The following IMMP1L variants were observed in gnomAD, a reference collection of about 807,000 sequenced individuals.
The protein encoded by IMMP1L is mitochondrial inner membrane protease subunit 1.
Under a neutral mutation model 21.8 loss-of-function variants are expected in IMMP1L, and 24 were observed. The ratio of observed to expected loss-of-function variants is 1.10; its 90% CI spans 0.80 to 1.55. The LOEUF (loss-of-function observed/expected upper bound fraction) is 1.55. Ranked by LOEUF, IMMP1L falls within the 40% of genes most tolerant of loss-of-function variation. The pLI, the probability that IMMP1L is intolerant of heterozygous loss-of-function variation, is 0.00. For missense variants in IMMP1L, 195 were observed against 200.7 expected, an observed-to-expected ratio of 0.97 and a Z score of 0.17; for synonymous variants, 46 against 62.8, an observed-to-expected ratio of 0.73 and a Z score of 1.26.
At chr11:31,470,740 G>A (rs1413944454) in intron 1 of IMMP1L, among the ~76,000 whole-genome samples, 1 of 152,112 alleles carries the variant, frequency 6.6e-6, no homozygotes, top group Non-Finnish European at 1.5e-5. Flanking sequence ...TCCAACAGAT[G>A]AATGAATAAA....
intron 1 of IMMP1L, among the ~76,000 whole-genome samples, chr11:31,468,606 T>A (rs1343828772): frequency 6.6e-6 from 1 of 152,186 alleles, no homozygotes; most frequent in Non-Finnish European, 1.5e-5. Context: ...ACTGAGCTAC[T>A]ACTACGTACC....
chr11:31,443,453 C>T (rs1344885916), intron 4 of IMMP1L, among the ~76,000 whole-genome samples: 4 of 152,184 alleles, frequency 2.6e-5, no homozygotes, highest in Non-Finnish European at 5.9e-5. Context: ...TCTGAAATGT[C>T]AGTTCTGGGT....
chr11:31,488,966 G>A lies in IMMP1L; in HGVS notation c.-30+20553C>T, dbSNP rs998696297. On this transcript the variant is annotated intron_variant, in intron 1 of 5. Coordinates refer to ENST00000532287, the MANE Select transcript of IMMP1L (RefSeq NM_001304274.2). ...GGCTGGAGTGCAGTGGTGCAATCTC[G>A]GCTCACTGCAAGCTCCACCTCCCGG... Among the ~76,000 whole-genome samples the A allele has an allele frequency of 2.0e-5, 3 of 151,804 alleles. 1 individual carries two copies. Among genetic ancestry groups the A allele is most frequent in the Non-Finnish European group, 4.4e-5 (3 of 67,916 alleles).
intron 1 of IMMP1L, among the ~76,000 whole-genome samples, chr11:31,489,334 G>A (rs1389940142): frequency 6.6e-6 from 1 of 152,078 alleles, no homozygotes; most frequent in Non-Finnish European, 1.5e-5. Context: ...ATGCATAATT[G>A]CATATATCTA....
chr11:31,470,976 G>A (rs1267716312), intron 1 of IMMP1L, among the ~76,000 whole-genome samples: 1 of 152,158 alleles, frequency 6.6e-6, no homozygotes, highest in Non-Finnish European at 1.5e-5. Flanking sequence ...AAAGTGTGAG[G>A]CATGATAAGG....
intron 1 of IMMP1L, among the ~76,000 whole-genome samples, chr11:31,473,136 G>GC (rs1469900392): frequency 1.3e-5 from 2 of 152,088 alleles, no homozygotes; most frequent in Non-Finnish European, 2.9e-5. Context: ...CGCAAGCTCC[G>GC]CCTCCCGGGT....
At chr11:31,452,182 G>A (rs2133610187) in intron 4 of IMMP1L, 1 of 966,908 alleles carries the variant, frequency 1.0e-6, no homozygotes, top group East Asian at 1.1e-4. Context: ...AGGATGTGGT[G>A]TCATGGGAGT....
intron 4 of IMMP1L, chr11:31,452,963 G>A: frequency 1.2e-6 from 1 of 806,926 alleles, no homozygotes; most frequent in Non-Finnish European, 1.7e-6. Context: ...TGCTGGGCAG[G>A]CTGGTCTCAA....
In IMMP1L at chr11:31,432,670, C is replaced by T; in HGVS notation, c.433-102G>A. The T allele has an allele frequency of 6.6e-6, 5 of 753,350 alleles. No individual in the cohort carries two copies. In the East Asian group the frequency reaches 1.0e-4, roughly 15 times the overall value. The allele number at this position is 753,350 out of a possible 1,614,324, so 46.7% of individuals were successfully genotyped here. On this transcript the variant is annotated intron_variant, in intron 5 of 5. Coordinates refer to ENST00000532287, the MANE Select transcript of IMMP1L (RefSeq NM_001304274.2). ...GTCCCTTTTCTCTATGCCAGATAAA[C>T]ACTTTCTCCTTACTCATCAATCAAG...
intron 4 of IMMP1L, chr11:31,452,501 C>T (rs942863938): frequency 1.0e-6 from 1 of 985,370 alleles, no homozygotes; most frequent in South Asian, 4.7e-5. Flanking sequence ...TTGCTACATG[C>T]TCCTACTTCC....
intron 1 of IMMP1L, among the ~76,000 whole-genome samples, chr11:31,501,530 A>C (rs1322177043): frequency 6.6e-6 from 1 of 152,228 alleles, no homozygotes; most frequent in Non-Finnish European, 1.5e-5. Flanking sequence ...ATTGTGAGCC[A>C]ATATATTTCT....
chr11:31,478,748 A>G (rs1954800195), intron 1 of IMMP1L, among the ~76,000 whole-genome samples: 1 of 152,146 alleles, frequency 6.6e-6, no homozygotes. Context: ...TGCAAAGTCA[A>G]TTATGTATGA....
chr11:31,487,513 A>C (rs1013140178), intron 1 of IMMP1L, among the ~76,000 whole-genome samples: 1 of 152,160 alleles, frequency 6.6e-6, no homozygotes, highest in African/African-American at 2.4e-5. Flanking sequence ...CTATGCATAC[A>C]ACATGAAGGT....
intron 4 of IMMP1L, chr11:31,448,828 C>G (rs1175830640): frequency 2.4e-6 from 1 of 419,416 alleles, no homozygotes; most frequent in Non-Finnish European, 3.2e-6. Flanking sequence ...AGTCTAGGAG[C>G]CTCAAAGATT....
At chr11:31,435,361 T>C (rs1953083577) in intron 4 of IMMP1L, among the ~76,000 whole-genome samples, 1 of 152,174 alleles carries the variant, frequency 6.6e-6, no homozygotes, top group Admixed American at 6.5e-5. Context: ...GGCCCTACAT[T>C]ATAACCTTTA....
At chr11:31,469,477 G>A (rs1954473859) in intron 1 of IMMP1L, among the ~76,000 whole-genome samples, 1 of 152,140 alleles carries the variant, frequency 6.6e-6, no homozygotes, top group Admixed American at 6.5e-5. Flanking sequence ...TGCATTACAT[G>A]AATATACCGG....
At chr11:31,490,281 G>A (rs984863799) in intron 1 of IMMP1L, among the ~76,000 whole-genome samples, 7 of 152,026 alleles carry the variant, frequency 4.6e-5, no homozygotes, top group African/African-American at 1.7e-4. Context: ...AGACCATCCC[G>A]GCCAACATGG....
At chr11:31,471,733 T>G (rs1412695531) in intron 1 of IMMP1L, among the ~76,000 whole-genome samples, 3 of 152,178 alleles carry the variant, frequency 2.0e-5, no homozygotes, top group Admixed American at 6.5e-5. Context: ...ACTGGGAACT[T>G]TTAGCACAAA....
intron 1 of IMMP1L, among the ~76,000 whole-genome samples, chr11:31,489,893 T>C (rs896795784): frequency 8.5e-5 from 13 of 152,210 alleles, no homozygotes; most frequent in African/African-American, 2.7e-4. Flanking sequence ...GGAAGACACA[T>C]CTAAATATAC....
Sources: gnomAD v4.1 joint callset for allele counts (sites outside exome capture counted in the v4.1 genomes callset) on GRCh38, gnomAD v4.1.1 for gene constraint, MANE v1.5 for transcripts, NCBI Gene and HGNC (gene_info 2026-07-23, HGNC 2026-07-21) for gene names.